SRGAP1: variants seen among roughly 807,000 people sequenced by gnomAD.
SRGAP1 encodes SLIT-ROBO Rho GTPase activating protein 1.
SRGAP1 carries 43 observed loss-of-function variants against 121.9 expected under a neutral mutation model. The ratio of observed to expected loss-of-function variants is 0.35; its 90% confidence interval spans 0.28 to 0.46. The LOEUF (loss-of-function observed/expected upper bound fraction) is 0.46. Ranked by LOEUF, SRGAP1 falls within the 20% of genes least tolerant of loss-of-function variation. The pLI is 1.00. For synonymous variants in SRGAP1, 447 were observed against 485.4 expected, an observed-to-expected ratio of 0.92 and a Z score of 1.04; for missense variants, 1,102 against 1,350.9, an observed-to-expected ratio of 0.82 and a Z score of 2.89.
At chr12:63,866,300 C>T (rs1324002600) in intron 1 of SRGAP1, among the ~76,000 whole-genome samples, 1 of 152,178 alleles carries the variant, frequency 6.6e-6, no homozygotes, top group African/African-American at 2.4e-5. Flanking sequence ...TTCTTGAAAC[C>T]ACCACTGCAC....
intron 8 of SRGAP1, among the ~76,000 whole-genome samples, chr12:64,074,474 T>C (rs916594587): frequency 1.3e-5 from 2 of 152,216 alleles, no homozygotes; most frequent in African/African-American, 4.8e-5. Flanking sequence ...CTCTAGATGC[T>C]ATGCACTCCT....
At chr12:63,928,699 CATTA>C (rs1316498970) in intron 1 of SRGAP1, among the ~76,000 whole-genome samples, 1 of 151,516 alleles carries the variant, frequency 6.6e-6, no homozygotes, top group Non-Finnish European at 1.5e-5. Flanking sequence ...GATTCAAGTG[CATTA>C]TAGTCAAATA....
At chr12:64,118,564 C>T (rs1322895275) in intron 18 of SRGAP1, among the ~76,000 whole-genome samples, 2 of 152,096 alleles carry the variant, frequency 1.3e-5, no homozygotes, top group African/African-American at 4.8e-5. Context: ...GTCCAGCCAA[C>T]ATTTGTTACC....
chr12:64,016,549 A>G (rs2034407365), intron 3 of SRGAP1, among the ~76,000 whole-genome samples: 1 of 152,218 alleles, frequency 6.6e-6, no homozygotes, highest in Non-Finnish European at 1.5e-5. Context: ...AACTTTGGGC[A>G]GAGGGAGTTA....
intron 6 of SRGAP1, among the ~76,000 whole-genome samples, chr12:64,060,574 A>G (rs533226446): frequency 6.6e-6 from 1 of 152,314 alleles, no homozygotes; most frequent in African/African-American, 2.4e-5. Context: ...TAAATTTTAA[A>G]TAGCAAGATT....
chr12:63,981,503 C>T (rs2033245661), intron 1 of SRGAP1, among the ~76,000 whole-genome samples: 1 of 152,202 alleles, frequency 6.6e-6, no homozygotes, highest in Non-Finnish European at 1.5e-5. Context: ...GGAAACACTC[C>T]ACCCTTGATA....
intron 1 of SRGAP1, among the ~76,000 whole-genome samples, chr12:63,883,909 C>T (rs941618613): frequency 1.4e-4 from 21 of 151,142 alleles, no homozygotes; most frequent in African/African-American, 4.4e-4. Context: ...CCGCCCGTCT[C>T]GGCCTCACAA....
chr12:64,081,644 TAAA>T (rs890648179), intron 10 of SRGAP1: 1 of 152,074 alleles, frequency 6.6e-6, no homozygotes, highest in East Asian at 1.9e-4. Context: ...GACTGTATAT[TAAA>T]TAATATTATT....
intron 2 of SRGAP1, 53 bp downstream of exon 2, chr12:63,984,195 T>C: frequency 9.7e-7 from 1 of 1,025,752 alleles, no homozygotes; most frequent in Non-Finnish European, 1.3e-6. Flanking sequence ...CATACTGCCT[T>C]TGCCACCTTT....
intron 1 of SRGAP1, among the ~76,000 whole-genome samples, chr12:63,855,911 A>G (rs1186349371): frequency 6.6e-6 from 1 of 151,980 alleles, no homozygotes; most frequent in Admixed American, 6.6e-5. Flanking sequence ...CTTGCCAGTT[A>G]TATCTGTTGC....
At chr12:64,098,369 A>T (rs2036199381) in intron 15 of SRGAP1, among the ~76,000 whole-genome samples, 1 of 152,024 alleles carries the variant, frequency 6.6e-6, no homozygotes, top group Non-Finnish European at 1.5e-5. Flanking sequence ...TTAAAAAAAA[A>T]AAAAAAACTG....
At chr12:64,098,172 A>T (rs2036194933) in intron 15 of SRGAP1, among the ~76,000 whole-genome samples, 1 of 151,934 alleles carries the variant, frequency 6.6e-6, no homozygotes, top group Admixed American at 6.6e-5. Context: ...CCCCATCTGA[A>T]TCAACAAGTC....
intron 4 of SRGAP1, among the ~76,000 whole-genome samples, chr12:64,026,224 G>T (rs1046555908): frequency 6.6e-6 from 1 of 152,058 alleles, no homozygotes; most frequent in Non-Finnish European, 1.5e-5. Flanking sequence ...GAAGTGTTTT[G>T]TCCAAATTAC....
At chr12:64,044,262 G>A (rs1325866692) in intron 6 of SRGAP1, among the ~76,000 whole-genome samples, 1 of 152,074 alleles carries the variant, frequency 6.6e-6, no homozygotes, top group Admixed American at 6.6e-5. Flanking sequence ...CAGAAAACAT[G>A]TACTGAGTAG....
chr12:64,104,055 G>C (rs2036300807), intron 15 of SRGAP1, among the ~76,000 whole-genome samples: 1 of 152,166 alleles, frequency 6.6e-6, no homozygotes, highest in South Asian at 2.1e-4. Flanking sequence ...TACCTAAGGA[G>C]AAATTTGCAT....
chr12:63,937,438 A>G (rs894676181), intron 1 of SRGAP1, among the ~76,000 whole-genome samples: 2 of 152,230 alleles, frequency 1.3e-5, no homozygotes, highest in Non-Finnish European at 2.9e-5. Flanking sequence ...ATTTCTCTTT[A>G]GATGTGGATA....
chr12:64,137,324 G>A (rs1197322722), intron 21 of SRGAP1, among the ~76,000 whole-genome samples: 1 of 151,814 alleles, frequency 6.6e-6, no homozygotes, highest in Admixed American at 6.6e-5. Context: ...ACTAGGCTCT[G>A]CACATGTCTC....
At chr12:64,016,370 T>G (rs187343250) in intron 3 of SRGAP1, among the ~76,000 whole-genome samples, 1 of 152,254 alleles carries the variant, frequency 6.6e-6, no homozygotes, top group Admixed American at 6.5e-5. Flanking sequence ...CCCTGTAGTC[T>G]CAGCTATTCG....
intron 1 of SRGAP1, among the ~76,000 whole-genome samples, chr12:63,916,771 G>GCCAGTAGACTT (rs1157597184): frequency 6.6e-6 from 1 of 152,172 alleles, no homozygotes; most frequent in African/African-American, 2.4e-5. Context: ...AAAGGTCTGG[G>GCCAGTAGACTT]AATCGCATGC....
Sources: allele counts gnomAD v4.1 joint callset (sites outside exome capture counted in the v4.1 genomes callset), GRCh38; gene constraint gnomAD v4.1.1; transcripts MANE v1.5; gene names NCBI Gene and HGNC (gene_info 2026-07-23, HGNC 2026-07-21).